PCDHA2: variants seen among roughly 807,000 people sequenced by gnomAD.
PCDHA2 encodes protocadherin alpha 2, also known as protocadherin alpha-2.
A neutral mutation model predicts 66.0 loss-of-function variants in PCDHA2; 58 were observed. The observed-to-expected ratio is 0.88, with a 90% CI of 0.71 to 1.09. The LOEUF (loss-of-function observed/expected upper bound fraction) is 1.09, where lower values mean the gene tolerates loss of function less well. PCDHA2 is among the 50% of genes least tolerant of loss of function. PCDHA2 has a pLI of 0.00. For missense variants in PCDHA2, 1,267 were observed against 1,242.3 expected (o/e 1.02, Z -0.30); for synonymous variants, 634 against 554.0 (o/e 1.14, Z -2.03).
chr5:140,808,730 G>T, intron 1 of PCDHA2: 3 of 1,612,170 alleles, frequency 1.9e-6, no homozygotes, highest in Non-Finnish European at 1.7e-6. Flanking sequence ...TGCGGAGAGC[G>T]GCAAGGTGTA....
At chr5:140,862,964 G>T (rs782069131) in intron 1 of PCDHA2, 2 of 544,720 alleles carry the variant, frequency 3.7e-6, no homozygotes, top group South Asian at 2.8e-5. Context: ...TTCAGTGGAT[G>T]CAGGCCACTT....
In PCDHA2 at chr5:140,993,460, T is replaced by TCCCA. The variant is rs1554253699; in HGVS notation, c.2536+10898_2536+10899insCCAC. On this transcript the variant is annotated intron_variant, in intron 3 of 3. Transcript: ENST00000526136. Reference sequence around the variant, plus strand: ...TTCATTCCTGTTCTCCTTCTTTCTTTCTCACACACACACACACACACACAC... The same window carrying TCCCA: ...TTCATTCCTGTTCTCCTTCTTTCTTTCCCACTCACACACACACACACACACACAC... Among the ~76,000 whole-genome samples, 30 of 104,506 alleles carry TCCCA rather than the reference T, an allele frequency of 2.9e-4. 1 individual carries two copies. The highest frequency in any genetic ancestry group is 1.1e-3 in the African/African-American group (29 of 25,484). The allele number at this position is 104,506 out of a possible 152,430, so 68.6% of individuals were successfully genotyped here.
At chr5:140,906,022 C>T (rs782487413) in intron 1 of PCDHA2, among the ~76,000 whole-genome samples, 9 of 152,192 alleles carry the variant, frequency 5.9e-5, no homozygotes, top group African/African-American at 1.2e-4. Context: ...AATCTCTCCA[C>T]GTTCTTCTGT....
rs543069895 is a variant in PCDHA2, at chr5:140,958,338, G to A, written c.2389-20611G>A. 2.0e-4 allele frequency among the ~76,000 whole-genome samples: 30 copies of A among 152,108 alleles called. No homozygotes were observed. In the South Asian group the frequency reaches 6.0e-3, roughly 31 times the overall value. ...GAGCTCAAAAAATAAATAAATCACA[G>A]GAAGTTCACAGTCTGACTTTATCAG... On this transcript the variant is annotated intron_variant, in intron 1 of 3. Transcript: ENST00000526136.
chr5:140,863,405 C>A (rs1554158176), intron 1 of PCDHA2: 1 of 799,642 alleles, frequency 1.3e-6, no homozygotes, highest in East Asian at 4.2e-5. Flanking sequence ...GGCAAGCCCA[C>A]GCTGGTGTAC....
At chr5:140,850,001 C>T in intron 1 of PCDHA2, 1 of 1,597,070 alleles carries the variant, frequency 6.3e-7, no homozygotes, top group Non-Finnish European at 8.6e-7. Flanking sequence ...TGGGCGAGCG[C>T]TCGCTGTCGA....
chr5:140,828,269 G>T (rs2150153338), intron 1 of PCDHA2: 1 of 1,614,058 alleles, frequency 6.2e-7, no homozygotes, highest in Admixed American at 1.7e-5. Context: ...GGCGGAGCTG[G>T]TGCCGCGCCT....
intron 1 of PCDHA2, chr5:140,804,806 A>T: frequency 3.3e-6 from 1 of 306,632 alleles, no homozygotes; most frequent in Non-Finnish European, 6.0e-6. Flanking sequence ...GAGAAATAGT[A>T]ACCAACTGAA....
chr5:140,803,362 G>A (rs782740317), intron 1 of PCDHA2: 6 of 1,614,042 alleles, frequency 3.7e-6, no homozygotes, highest in African/African-American at 2.7e-5. Context: ...ACTGCTCTGC[G>A]GTGCTCCGCG....
chr5:141,002,099 GC>G (rs1399073427), intron 3 of PCDHA2, among the ~76,000 whole-genome samples: 9 of 152,362 alleles, frequency 5.9e-5, no homozygotes, highest in Non-Finnish European at 1.2e-4. Flanking sequence ...CAGGGGCTGG[GC>G]CGGAAACGGC....
chr5:140,910,127 C>T (rs1323587900), intron 1 of PCDHA2, among the ~76,000 whole-genome samples: 5 of 152,202 alleles, frequency 3.3e-5, no homozygotes, highest in African/African-American at 1.2e-4. Context: ...GGTCTGTAAA[C>T]TGGTTTAAGT....
At chr5:140,904,110 T>C (rs556511949) in intron 1 of PCDHA2, among the ~76,000 whole-genome samples, 2 of 152,218 alleles carry the variant, frequency 1.3e-5, no homozygotes, top group Non-Finnish European at 2.9e-5. Context: ...TGGTCATTGC[T>C]GAGATTTTGG....
chr5:140,849,902 G>T, intron 1 of PCDHA2: 2 of 1,598,532 alleles, frequency 1.3e-6, no homozygotes, highest in African/African-American at 1.3e-5. Context: ...AGAACAACCC[G>T]CCGGGCTGCC....
chr5:140,823,764 A>G (rs2150128918), intron 1 of PCDHA2: 1 of 1,613,830 alleles, frequency 6.2e-7, no homozygotes, highest in Non-Finnish European at 8.5e-7. Context: ...CCACAGCCAC[A>G]GTGCTGGTGT....
chr5:140,895,914 A>G (rs570826611), intron 1 of PCDHA2, among the ~76,000 whole-genome samples: 43 of 152,162 alleles, frequency 2.8e-4, no homozygotes, highest in Non-Finnish European at 1.3e-4. Flanking sequence ...CGGGCTCAAC[A>G]ATTATCCTGC....
intron 1 of PCDHA2, among the ~76,000 whole-genome samples, chr5:140,871,899 A>G (rs1160830243): frequency 2.6e-5 from 4 of 152,208 alleles, no homozygotes; most frequent in Admixed American, 2.0e-4. Context: ...CTTTTAGCAG[A>G]GTTTTGCCTT....
At chr5:140,803,236 C>T in intron 1 of PCDHA2, 1 of 1,613,802 alleles carries the variant, frequency 6.2e-7, no homozygotes, top group Non-Finnish European at 8.5e-7. Flanking sequence ...AAGGCCTCGT[C>T]CCAGGCGTCC....
At chr5:140,880,509 T>G (rs754891409) in intron 1 of PCDHA2, among the ~76,000 whole-genome samples, 134 of 152,182 alleles carry the variant, frequency 8.8e-4, no homozygotes, top group Non-Finnish European at 1.6e-3. Flanking sequence ...TTCTGTTTGG[T>G]CACATCTCTC....
rs140366950 is a variant in PCDHA2, at chr5:140,796,908, C to G, written c.1944C>G (p.Leu648=). 2.5e-6 allele frequency: 4 copies of G among 1,613,920 alleles called. No individual in the cohort carries two copies. The highest frequency in any genetic ancestry group is 2.2e-5 in the South Asian group (2 of 91,090). ...DEADSPRHRL[L]VLVKDHGEPA... is the part of the protein sequence containing the mutation. ...CTGACTCCCCTCGACACCGCCTACT[C>G]GTGCTGGTGAAGGACCACGGCGAAC... is the stretch of plus-strand genomic sequence containing the variant. The change falls in exon 1 of 4, where the codon CTC becomes CTG. Residue 648 remains leucine, a synonymous_variant. Coordinates refer to ENST00000526136, the MANE Select transcript of PCDHA2 (RefSeq NM_018905.3).
Sources: gnomAD v4.1 joint callset for allele counts (sites outside exome capture counted in the v4.1 genomes callset) on GRCh38, gnomAD v4.1.1 for gene constraint, MANE v1.5 for transcripts, NCBI Gene and HGNC (gene_info 2026-07-23, HGNC 2026-07-21) for gene names.